Variants in ARMH3 observed in about 807,000 individuals in gnomAD.
ARMH3 encodes armadillo like helical domain containing 3, also known as armadillo-like helical domain-containing protein 3.
ARMH3 carries 60 observed loss-of-function variants against 99.1 expected under a neutral mutation model. The ratio of observed to expected loss-of-function variants is 0.61; its 90% confidence interval spans 0.49 to 0.75. The LOEUF (loss-of-function observed/expected upper bound fraction) is 0.75. ARMH3 is among the 30% of genes least tolerant of loss of function. The pLI is 0.00. For missense variants in ARMH3, 679 were observed against 843.1 expected, an observed-to-expected ratio of 0.81 and a Z score of 2.41; for synonymous variants, 285 against 292.8, an observed-to-expected ratio of 0.97 and a Z score of 0.27.
In ARMH3 at chr10:101,849,854, C is replaced by T. The variant is rs770957713; in HGVS notation, c.1899G>A (p.Thr633=). ...EVVRANYDTL[T]LKLQDGLDQY... is the part of the protein sequence containing the mutation. ...GGTCCAGGCCATCCTGCAGCTTCAG[C>T]GTGAGCGTGTCATAGTTGGCTCTCA... Residue 633 remains threonine, a synonymous_variant, in exon 25 of 26, where the codon ACG becomes ACA. Coordinates refer to ENST00000370033, the MANE Select transcript of ARMH3 (RefSeq NM_024541.3). 14 of 1,614,124 alleles carry T rather than the reference C, an allele frequency of 8.7e-6. No homozygotes were observed. Among genetic ancestry groups the T allele is most frequent in the South Asian group, 4.4e-5 (4 of 91,090 alleles).
At chr10:101,939,632 T>C (rs537183431) in intron 23 of ARMH3, among the ~76,000 whole-genome samples, 1 of 152,282 alleles carries the variant, frequency 6.6e-6, no homozygotes, top group South Asian at 2.1e-4. Flanking sequence ...TATAACCATC[T>C]CTCAGTAAAA....
intron 19 of ARMH3, among the ~76,000 whole-genome samples, chr10:101,989,670 G>A (rs748646963): frequency 2.6e-5 from 4 of 152,296 alleles, no homozygotes; most frequent in East Asian, 1.9e-4. Flanking sequence ...GCAGTGAGCC[G>A]AGATCATGCC....
rs562997982 is a variant in ARMH3, at chr10:101,946,586, A to G, written c.1706-6648T>C. 2.0e-5 allele frequency among the ~76,000 whole-genome samples: 3 copies of G among 152,328 alleles called. No homozygotes were observed. The South Asian group carries it at 6.2e-4, about 32-fold the overall frequency. ...TAGACTGACAAAGGAGTCAGTGAACATAAAGTATAATAGAAATAATTAAAT... is the reference window on the plus strand; with the variant it reads ...TAGACTGACAAAGGAGTCAGTGAACGTAAAGTATAATAGAAATAATTAAAT... On this transcript the variant is annotated intron_variant, in intron 22 of 25. Transcript: ENST00000370033.
intron 8 of ARMH3, among the ~76,000 whole-genome samples, chr10:102,021,790 C>T (rs1310581807): frequency 1.3e-5 from 2 of 152,180 alleles, no homozygotes; most frequent in Non-Finnish European, 2.9e-5. Flanking sequence ...TCGTGATCCA[C>T]CCGCCTCAGC....
At chr10:101,967,814 C>T (rs908104951) in intron 20 of ARMH3, among the ~76,000 whole-genome samples, 5 of 152,146 alleles carry the variant, frequency 3.3e-5, no homozygotes, top group African/African-American at 1.2e-4. Flanking sequence ...AGCCTAAGCA[C>T]TTCACTGACA....
At chr10:102,054,914 C>G (rs1476315652) in intron 1 of ARMH3, among the ~76,000 whole-genome samples, 1 of 150,840 alleles carries the variant, frequency 6.6e-6, no homozygotes, top group African/African-American at 2.4e-5. Context: ...AAGAATCGCT[C>G]GAACCTGGAA....
chr10:102,012,978 G>T, intron 9 of ARMH3, 102 bp from the exon 10 acceptor site: 1 of 994,482 alleles, frequency 1.0e-6, no homozygotes, highest in East Asian at 2.7e-5. Context: ...AGCCCAAGAA[G>T]TCCTGCCTGA....
chr10:101,957,007 T>G (rs1230050619), intron 21 of ARMH3, among the ~76,000 whole-genome samples: 1 of 152,234 alleles, frequency 6.6e-6, no homozygotes, highest in African/African-American at 2.4e-5. Context: ...TTTATAACTA[T>G]TATATCTGTG....
chr10:102,038,745 T>G (rs560970460), intron 2 of ARMH3, among the ~76,000 whole-genome samples: 43 of 152,104 alleles, frequency 2.8e-4, no homozygotes, highest in Non-Finnish European at 5.3e-4. Flanking sequence ...GGTCTTTTTT[T>G]TTTTTCTTTT....
intron 1 of ARMH3, 133 bp downstream of exon 1, chr10:102,055,952 C>A (rs1344957879): frequency 2.0e-5 from 3 of 152,630 alleles, no homozygotes; most frequent in Admixed American, 2.0e-4. Context: ...CCTCTCCCCT[C>A]GCGTCCTCGT....
chr10:102,002,182 C>T, intron 14 of ARMH3, 110 bp from the exon 15 acceptor site: 1 of 1,501,646 alleles, frequency 6.7e-7, no homozygotes, highest in Non-Finnish European at 8.9e-7. Context: ...TAAGCTTTTT[C>T]CACAACAGAG....
At chr10:101,959,669 T>A (rs1192256647) in intron 20 of ARMH3, among the ~76,000 whole-genome samples, 1 of 151,976 alleles carries the variant, frequency 6.6e-6, no homozygotes, top group African/African-American at 2.4e-5. Context: ...GATGACAAAG[T>A]GAGAAATATT....
chr10:102,000,842 A>T (rs1005681926), intron 15 of ARMH3, among the ~76,000 whole-genome samples: 7 of 151,268 alleles, frequency 4.6e-5, no homozygotes, highest in Admixed American at 2.0e-4. Flanking sequence ...TTTGAGATGG[A>T]GTCTCACTCT....
intron 23 of ARMH3, among the ~76,000 whole-genome samples, chr10:101,898,846 T>G (rs955010738): frequency 2.0e-5 from 3 of 152,224 alleles, no homozygotes; most frequent in African/African-American, 4.8e-5. Flanking sequence ...CCAACCTCAT[T>G]AAGAGCTGTA....
At chr10:102,041,090 A>ATATATATTATAT (rs1554897209) in intron 1 of ARMH3, among the ~76,000 whole-genome samples, 1 of 132,640 alleles carries the variant, frequency 7.5e-6, no homozygotes, top group African/African-American at 2.7e-5. Context: ...ATATATATAT[A>ATATATATTATAT]ATATATATAT....
Position 101,932,490 on chromosome 10 carries a change from T to C in ARMH3, c.1781+7373A>G, listed in dbSNP as rs899118060. Among the ~76,000 whole-genome samples the C allele has an allele frequency of 2.6e-5, 4 of 152,292 alleles. No individual in the cohort carries two copies. In the East Asian group the frequency reaches 5.8e-4, roughly 22 times the overall value. On this transcript the variant is annotated intron_variant, in intron 23 of 25. Transcript: ENST00000370033. ...ATGTTCACACTAGCATTAGTCACAA[T>C]AGCTAGAAGGTGGAAGCAACCCAAG... is the stretch of plus-strand genomic sequence containing the variant.
At chr10:101,899,959 G>A (rs900600458) in intron 23 of ARMH3, among the ~76,000 whole-genome samples, 5 of 152,234 alleles carry the variant, frequency 3.3e-5, no homozygotes, top group Admixed American at 1.3e-4. Flanking sequence ...TGTAAATGGA[G>A]AAGAATGAAC....
At chr10:102,034,546 G>T (rs999326604) in intron 2 of ARMH3, among the ~76,000 whole-genome samples, 30 of 151,704 alleles carry the variant, frequency 2.0e-4, no homozygotes, top group African/African-American at 7.3e-4. Flanking sequence ...TGAGGCAGGA[G>T]AATGGCGTGA....
chr10:102,027,946 A>G lies in ARMH3; in HGVS notation c.414+1692T>C, dbSNP rs919419592. Among the ~76,000 whole-genome samples the G allele has an allele frequency of 1.3e-4, 19 of 151,942 alleles. No individual in the cohort carries two copies. The South Asian group carries it at 2.3e-3, about 18-fold the overall frequency. Reference sequence around the variant, plus strand: ...TATGGTGTCCAACACTGCAAATCATATATCTGATAAGGGACATATTCAGAA... The same window carrying G: ...TATGGTGTCCAACACTGCAAATCATGTATCTGATAAGGGACATATTCAGAA... On this transcript the variant is annotated intron_variant, in intron 5 of 25. Coordinates refer to ENST00000370033, the MANE Select transcript of ARMH3 (RefSeq NM_024541.3).
Sources: gnomAD v4.1 joint callset for allele counts (sites outside exome capture counted in the v4.1 genomes callset) on GRCh38, gnomAD v4.1.1 for gene constraint, MANE v1.5 for transcripts, NCBI Gene and HGNC (gene_info 2026-07-23, HGNC 2026-07-21) for gene names.